The following PEX26 variants were observed in gnomAD, a reference collection of about 807,000 sequenced individuals.
PEX26 encodes the protein peroxisomal biogenesis factor 26.
Under a neutral mutation model 31.4 loss-of-function variants are expected in PEX26, and 18 were observed. That is an observed-to-expected ratio of 0.57 (90% CI 0.40 to 0.85). PEX26 has a LOEUF of 0.85. Among genes scored for constraint, PEX26 ranks in the 40% least tolerant of loss-of-function variants. The pLI is 0.00. For missense variants in PEX26, 377 were observed against 383.9 expected, an observed-to-expected ratio of 0.98 and a Z score of 0.15; for synonymous variants, 176 against 166.9, an observed-to-expected ratio of 1.05 and a Z score of -0.42.
Position 18,088,930 on chromosome 22 carries a change from G to A in PEX26, c.*855G>A, listed in dbSNP as rs1318027877. The A allele has an allele frequency of 6.6e-6, 1 of 152,424 alleles. No individual in the cohort carries two copies. Among genetic ancestry groups the A allele is most frequent in the East Asian group, 1.9e-4 (1 of 5,194 alleles). 9.4% of individuals were successfully genotyped at this position (152,424 alleles called of 1,614,324 possible). On this transcript the variant is annotated 3_prime_UTR_variant, in exon 5 of 5. Coordinates refer to ENST00000399744, the MANE Select transcript of PEX26 (RefSeq NM_001127649.3). The surrounding 1 kb of genome is among the most constrained non-coding windows in gnomAD (Gnocchi z 4.1). ...GGAGCCTTCTCACTGTTCAGGCTGG[G>A]GTGTGGTTTTCAGAACCACCGGGTT...
intron 4 of PEX26, among the ~76,000 whole-genome samples, chr22:18,087,718 G>A (rs1225645862): frequency 6.6e-6 from 1 of 152,208 alleles, no homozygotes; most frequent in African/African-American, 2.4e-5. Context: ...ACTCATTGGA[G>A]TGATGATGGT....
Position 18,085,001 on chromosome 22 carries a change from A to G in PEX26, c.668-111A>G, listed in dbSNP as rs187786255. The G allele has an allele frequency of 1.4e-3, 1,518 of 1,123,656 alleles. 5 individuals carry two copies. The highest frequency in any genetic ancestry group is 6.1e-3 in the Admixed American group (329 of 53,516). The allele number at this position is 1,123,656 out of a possible 1,614,324, so 69.6% of individuals were successfully genotyped here. A position where few individuals can be genotyped will look rare whatever the true frequency, so the allele number is the denominator to read the frequency against. ...CTCCCAAAGTGCTGGGATTACAGGCATGAGCCACTGCGCCTGGCCTGCTCA... is the reference window on the plus strand; with the variant it reads ...CTCCCAAAGTGCTGGGATTACAGGCGTGAGCCACTGCGCCTGGCCTGCTCA... On this transcript the variant is annotated intron_variant, in intron 3 of 4. Transcript: ENST00000399744.
At position 18,095,912 on chromosome 22, in the gene PEX26, TC is replaced by T. The variant is rs1177716485; in HGVS notation, c.*7839del. 2.0e-5 allele frequency: 3 copies of T among 152,098 alleles called. No individual in the cohort carries two copies. Among genetic ancestry groups the T allele is most frequent in the East Asian group, 1.9e-4 (1 of 5,172 alleles). The allele number at this position is 152,098 out of a possible 1,614,324, so 9.4% of individuals were successfully genotyped here. A position where few individuals can be genotyped will look rare whatever the true frequency, so the allele number is the denominator to read the frequency against. ...ATCTCGACACACTGCAACATCCACT[TC>T]CTAGGTTCAAGCGATTCTCTTGCCT... is the stretch of plus-strand genomic sequence containing the variant. On this transcript the variant is annotated 3_prime_UTR_variant, in exon 5 of 5. Coordinates refer to ENST00000399744, the MANE Select transcript of PEX26 (RefSeq NM_001127649.3).
rs1927543996 is a variant in PEX26 at position 18,104,141 on chromosome 22, A to T, written c.*16066A>T. 1 of 152,168 alleles carries T rather than the reference A, an allele frequency of 6.6e-6. No individual in the cohort carries two copies. The highest frequency in any genetic ancestry group is 1.5e-5 in the Non-Finnish European group (1 of 68,034). 9.4% of individuals were successfully genotyped at this position (152,168 alleles called of 1,614,324 possible). On this transcript the variant is annotated 3_prime_UTR_variant, in exon 5 of 5. Coordinates refer to ENST00000399744, the MANE Select transcript of PEX26 (RefSeq NM_001127649.3). The stretch of plus-strand genomic sequence containing the variant: ...AAGGGGAACAGTTAATCATCTACAC[A>T]ATACCAAGAGCAGGAGGGGATGACC...
At chr22:18,085,074 A>G (rs558348496) in intron 3 of PEX26, 38 bp from the exon 4 acceptor site, 2 of 1,611,702 alleles carry the variant, frequency 1.2e-6, no homozygotes, top group South Asian at 1.1e-5. Flanking sequence ...GCTGATTCCC[A>G]TGACATCCCT....
In PEX26 at chr22:18,088,188, G is replaced by A. The variant is rs199653646; in HGVS notation, c.*113G>A. On this transcript the variant is annotated 3_prime_UTR_variant, in exon 5 of 5. Coordinates refer to ENST00000399744, the MANE Select transcript of PEX26 (RefSeq NM_001127649.3). This position sits in a 1 kb window ranked among gnomAD's most constrained non-coding sequence, Gnocchi z 4.1. ...GGGGAAATGGGACCAGCCTAATCTC[G>A]CGGAGTGCACTGTGTCTTGCTGCCT... 1.3e-3 allele frequency: 1,048 copies of A among 802,252 alleles called. 3 individuals carry two copies. Among genetic ancestry groups the A allele is most frequent in the Non-Finnish European group, 2.0e-3 (922 of 452,678 alleles). 49.7% of individuals were successfully genotyped at this position (802,252 alleles called of 1,614,324 possible).
At chr22:18,081,178 C>T (rs1267492619) in intron 2 of PEX26, among the ~76,000 whole-genome samples, 4 of 134,238 alleles carry the variant, frequency 3.0e-5, no homozygotes, top group Admixed American at 7.7e-5. Context: ...TATATATATG[C>T]GTGTGTGTAT....
intron 2 of PEX26, among the ~76,000 whole-genome samples, chr22:18,081,245 TACACACACACACACAC>T (rs59081749): frequency 2.2e-5 from 3 of 138,022 alleles, no homozygotes; most frequent in East Asian, 2.0e-4. Flanking sequence ...TGTACACATA[TACACACACACACACAC>T]ACACACACAC....
In PEX26 at chr22:18,091,941, T is replaced by G. The variant is rs1250527985; in HGVS notation, c.*3866T>G. The G allele has an allele frequency of 2.6e-5, 4 of 152,274 alleles. No homozygotes were observed. The highest frequency in any genetic ancestry group is 5.9e-5 in the Non-Finnish European group (4 of 68,082). The allele number at this position is 152,274 out of a possible 1,614,324, so 9.4% of individuals were successfully genotyped here. A position where few individuals can be genotyped will look rare whatever the true frequency, so the allele number is the denominator to read the frequency against. The stretch of plus-strand genomic sequence containing the variant: ...GATACAAGCAGGCCAGTTCACACTC[T>G]GGACGTTCAGTTTCTTTCTACATCT... On this transcript the variant is annotated 3_prime_UTR_variant, in exon 5 of 5. Coordinates refer to ENST00000399744, the MANE Select transcript of PEX26 (RefSeq NM_001127649.3).
rs2123667581 is a variant in PEX26 at position 18,091,053 on chromosome 22, T to G, written c.*2978T>G. Reference sequence around the variant, plus strand: ...GGTATTCTTGGAAAAGAAAGTTGTTTTTTTTTAGTCTTGCTGTGTTGCCCA... The same window carrying G: ...GGTATTCTTGGAAAAGAAAGTTGTTGTTTTTTAGTCTTGCTGTGTTGCCCA... On this transcript the variant is annotated 3_prime_UTR_variant, in exon 5 of 5. Coordinates refer to ENST00000399744, the MANE Select transcript of PEX26 (RefSeq NM_001127649.3). 6.6e-6 allele frequency: 1 copy of G among 152,388 alleles called. No homozygotes were observed. The highest frequency in any genetic ancestry group is 2.1e-4 in the South Asian group (1 of 4,830). The allele number at this position is 152,388 out of a possible 1,614,324, so 9.4% of individuals were successfully genotyped here. A position where few individuals can be genotyped will look rare whatever the true frequency, so the allele number is the denominator to read the frequency against.
At chr22:18,086,054 A>G (rs763432346) in intron 4 of PEX26, among the ~76,000 whole-genome samples, 6 of 152,116 alleles carry the variant, frequency 3.9e-5, no homozygotes, top group East Asian at 3.9e-4. Flanking sequence ...TCCCAGCACT[A>G]TGGGAGGCCA....
rs1927162272 is a variant in PEX26 at position 18,092,964 on chromosome 22, A to G, written c.*4889A>G. ...CCAAAAAGAGAAAAAAATAAACGGG[A>G]CAATGCCAACATGCTCAACAATAAA... On this transcript the variant is annotated 3_prime_UTR_variant, in exon 5 of 5. Transcript: ENST00000399744. The G allele has an allele frequency of 6.6e-6, 1 of 151,314 alleles. No homozygotes were observed. Among genetic ancestry groups the G allele is most frequent in the Non-Finnish European group, 1.5e-5 (1 of 67,904 alleles). The allele number at this position is 151,314 out of a possible 1,614,324, so 9.4% of individuals were successfully genotyped here. A position where few individuals can be genotyped will look rare whatever the true frequency, so the allele number is the denominator to read the frequency against.
intron 2 of PEX26, 83 bp downstream of exon 2, chr22:18,080,097 C>A: frequency 6.9e-7 from 1 of 1,439,954 alleles, no homozygotes; most frequent in South Asian, 1.2e-5. Flanking sequence ...ACTCTTTTCC[C>A]CTTCCCTACT....
chr22:18,080,053 A>G (rs1569186489), intron 2 of PEX26, 39 bp downstream of exon 2: 2 of 1,611,034 alleles, frequency 1.2e-6, no homozygotes, highest in Non-Finnish European at 1.7e-6. Flanking sequence ...CGGTTCAGAA[A>G]CGAGAGGATT....
chr22:18,098,542 G>A lies in PEX26; in HGVS notation c.*10467G>A, dbSNP rs1166046187. ...TACTCAGGAGGAGGCTGAGGCAGGA[G>A]AATCTCTGGAACCTGGGAGGCAGAG... On this transcript the variant is annotated 3_prime_UTR_variant, in exon 5 of 5. Transcript: ENST00000399744. 6.6e-6 allele frequency: 1 copy of A among 151,914 alleles called. No individual in the cohort carries two copies. Among genetic ancestry groups the A allele is most frequent in the Non-Finnish European group, 1.5e-5 (1 of 68,038 alleles). 9.4% of individuals were successfully genotyped at this position (151,914 alleles called of 1,614,324 possible). A position where few individuals can be genotyped will look rare whatever the true frequency, so the allele number is the denominator to read the frequency against.
intron 4 of PEX26, among the ~76,000 whole-genome samples, chr22:18,087,160 C>T (rs71328256): frequency 0.012 from 1,885 of 152,232 alleles, 30 homozygotes; most frequent in South Asian, 0.083. Flanking sequence ...CTGCAACCTC[C>T]GCCTCCTGGG....
chr22:18,083,359 A>G (rs1926697206), intron 2 of PEX26, 78 bp from the exon 3 acceptor site: 2 of 1,429,252 alleles, frequency 1.4e-6, no homozygotes, highest in East Asian at 2.3e-5. Context: ...TAGGAGAAGC[A>G]TAGTGGTCAT....
intron 2 of PEX26, among the ~76,000 whole-genome samples, chr22:18,080,587 C>T (rs1926531568): frequency 6.6e-6 from 1 of 152,152 alleles, no homozygotes; most frequent in African/African-American, 2.4e-5. Flanking sequence ...GCCTCGGCAT[C>T]CCAAAGTGCT....
rs1442837419 is a variant in PEX26, at chr22:18,099,736, ATTCC to A, written c.*11668_*11671del. 1 of 152,172 alleles carries A rather than the reference ATTCC, an allele frequency of 6.6e-6. No homozygotes were observed. The highest frequency in any genetic ancestry group is 1.5e-5 in the Non-Finnish European group (1 of 68,030). 9.4% of individuals were successfully genotyped at this position (152,172 alleles called of 1,614,324 possible). A position where few individuals can be genotyped will look rare whatever the true frequency, so the allele number is the denominator to read the frequency against. On this transcript the variant is annotated 3_prime_UTR_variant, in exon 5 of 5. Coordinates refer to ENST00000399744, the MANE Select transcript of PEX26 (RefSeq NM_001127649.3). ...TCTGCCTCTGAAGGCTGTAGGCAAG[ATTCC>A]TTCCTTGTTTCTTCCAGCTTCTGCT...
Sources: allele counts gnomAD v4.1 joint callset (sites outside exome capture counted in the v4.1 genomes callset), GRCh38; gene constraint gnomAD v4.1.1; non-coding constraint Gnocchi (gnomAD v3.1); transcripts MANE v1.5; gene names NCBI Gene and HGNC (gene_info 2026-07-23, HGNC 2026-07-21).